Variants in ABCG5 observed in about 807,000 individuals in gnomAD.
ABCG5 encodes ATP-binding cassette sub-family G member 5.
In ABCG5, 64 loss-of-function variants were observed where a neutral mutation model predicts 64.5. The observed-to-expected ratio is 0.99, with a 90% CI of 0.81 to 1.22. The LOEUF is 1.22. Ranked by LOEUF, ABCG5 falls within the 50% of genes most tolerant of loss-of-function variation. The pLI is 0.00. For synonymous variants in ABCG5, 385 were observed against 326.3 expected (o/e 1.18, Z -1.94); for missense variants, 908 against 829.5 (o/e 1.09, Z -1.16).
chr2:43,813,312 G>A lies in ABCG5; in HGVS notation c.1763-3C>T, dbSNP rs1666580836. The A allele has an allele frequency of 1.2e-6, 2 of 1,604,974 alleles. No individual in the cohort carries two copies. The highest frequency in any genetic ancestry group is 2.7e-5 in the African/African-American group (2 of 74,690). ...TGTCACAGAAACATTTGAGCTGCCT[G>A]TCAAGGAAAAGATTGACAGTGTCAG... On this transcript the variant is annotated splice_region_variant and splice_polypyrimidine_tract_variant and intron_variant, in intron 12 of 12. Transcript: ENST00000405322.
chr2:43,826,436 G>A lies in ABCG5; in HGVS notation c.720C>T (p.Arg240=), dbSNP rs750382866. The A allele has an allele frequency of 3.7e-6, 6 of 1,614,114 alleles. No homozygotes were observed. The Admixed American group carries it at 5.0e-5, about 13-fold the overall frequency. The part of the protein sequence containing the change: ...QIVVLLVELA[R]RNRIVVLTIH... Reference sequence around the variant, plus strand: ...TGGTGAGAACCACAATTCGGTTCCTGCGAGCCAGTTCCACCAGGAGGACGA... The same window carrying A: ...TGGTGAGAACCACAATTCGGTTCCTACGAGCCAGTTCCACCAGGAGGACGA... Residue 240 remains arginine (R), a synonymous_variant, in exon 6 of 13, where the codon CGC becomes CGT. Transcript: ENST00000405322.
At chr2:43,819,873 CAG>C in intron 11 of ABCG5, 40 bp downstream of exon 11, 2 of 1,597,932 alleles carry the variant, frequency 1.3e-6, no homozygotes, top group South Asian at 2.2e-5. Context: ...TCATTAATAA[CAG>C]ATTATCCCAA....
intron 2 of ABCG5, among the ~76,000 whole-genome samples, chr2:43,834,881 A>G (rs553734164): frequency 1.3e-5 from 2 of 152,380 alleles, no homozygotes; most frequent in Non-Finnish European, 2.9e-5. Context: ...CGTATATGTC[A>G]TCATCTTTTG....
chr2:43,812,748 C>A lies in ABCG5; in HGVS notation c.*368G>T. The A allele has an allele frequency of 9.7e-6, 2 of 205,566 alleles. 1 individual carries two copies. Among genetic ancestry groups the A allele is most frequent in the South Asian group, 1.8e-4 (2 of 11,234 alleles). 12.7% of individuals were successfully genotyped at this position (205,566 alleles called of 1,614,324 possible). Reference sequence around the variant, plus strand: ...GAATCCTTGAAACATTTTATTTTTGCCTAATCCTTTATCCAATGTAAACAT... The same window carrying A: ...GAATCCTTGAAACATTTTATTTTTGACTAATCCTTTATCCAATGTAAACAT... On this transcript the variant is annotated 3_prime_UTR_variant, in exon 13 of 13. Transcript: ENST00000405322.
chr2:43,809,858 A>C (rs1470231277), downstream of ABCG5: 2 of 1,488,176 alleles, frequency 1.3e-6, no homozygotes, highest in Non-Finnish European at 1.8e-6. Flanking sequence ...TATGTGAAGA[A>C]AGTTAAACTG....
chr2:43,813,397 C>G, intron 12 of ABCG5, 88 bp from the exon 13 acceptor site: 2 of 933,236 alleles, frequency 2.1e-6, no homozygotes, highest in Non-Finnish European at 3.4e-6. Context: ...GCTAAGTACC[C>G]TTAATGAAAA....
At chr2:43,834,987 A>C (rs1668172866) in intron 2 of ABCG5, among the ~76,000 whole-genome samples, 1 of 152,244 alleles carries the variant, frequency 6.6e-6, no homozygotes, top group South Asian at 2.1e-4. Flanking sequence ...TCATAAAATT[A>C]TTTTACTCCT....
chr2:43,821,366 T>A (rs1667188672), intron 10 of ABCG5, among the ~76,000 whole-genome samples: 1 of 152,210 alleles, frequency 6.6e-6, no homozygotes, highest in Non-Finnish European at 1.5e-5. Flanking sequence ...TGGTTCCTAA[T>A]TAGCGAATCT....
In ABCG5 at chr2:43,838,640, C is replaced by T. The variant is rs1668437409; in HGVS notation, c.40G>A (p.Gly14Ser). 2.5e-6 allele frequency: 4 copies of T among 1,613,444 alleles called. No individual in the cohort carries two copies. Among genetic ancestry groups the T allele is most frequent in the Middle Eastern group, 1.6e-4 (1 of 6,080 alleles). ...LSSLTPGGSMGLQVNRGSQSS... is the reference protein window; with the variant it reads ...LSSLTPGGSMSLQVNRGSQSS... ...TGGGAGCCTCTGTTTACTTGGAGACCCATGGACCCTCCGGGGGTCAAAGAT... is the reference window on the plus strand; with the variant it reads ...TGGGAGCCTCTGTTTACTTGGAGACTCATGGACCCTCCGGGGGTCAAAGAT... Residue 14 changes from glycine (G) to serine (S), a missense_variant, in exon 1 of 13, where the codon GGT (glycine) becomes AGT (serine). Gly to Ser is a moderately conservative substitution (Grantham distance 56). Transcript: ENST00000405322. The surrounding 1 kb of genome is among the most constrained non-coding windows in gnomAD (Gnocchi z 4.2).
chr2:43,837,799 CA>C (rs746205059), intron 2 of ABCG5, 34 bp downstream of exon 2: 10 of 1,612,930 alleles, frequency 6.2e-6, no homozygotes, highest in Non-Finnish European at 5.1e-6. Flanking sequence ...TAACTCAAGC[CA>C]AATCCTTTTT....
chr2:43,836,368 C>A (rs1260227196), intron 2 of ABCG5, among the ~76,000 whole-genome samples: 1 of 152,166 alleles, frequency 6.6e-6, no homozygotes, highest in Non-Finnish European at 1.5e-5. Flanking sequence ...TCATAGACTT[C>A]AATGGAGTCC....
chr2:43,839,079 G>T, upstream of ABCG5: 1 of 1,551,220 alleles, frequency 6.4e-7, no homozygotes, highest in Non-Finnish European at 8.7e-7. Flanking sequence ...GCAGAGGAGA[G>T]AGGGCTGCCG....
At chr2:43,808,366 T>A (rs1666347662), downstream of ABCG5, among the ~76,000 whole-genome samples, 1 of 152,168 alleles carries the variant, frequency 6.6e-6, no homozygotes, top group African/African-American at 2.4e-5. Context: ...GTATGAAAGG[T>A]ACGCTCTGCA....
chr2:43,808,929 T>C (rs1465203796), downstream of ABCG5, among the ~76,000 whole-genome samples: 1 of 151,362 alleles, frequency 6.6e-6, no homozygotes, highest in African/African-American at 2.4e-5. Context: ...TTATGGATGA[T>C]AAATTTCTAA....
chr2:43,811,558 G>C (rs10180615), downstream of ABCG5, among the ~76,000 whole-genome samples: 35,375 of 151,896 alleles, frequency 0.23, 4,595 homozygotes, highest in African/African-American at 0.34. Context: ...GGAATTACTT[G>C]AAGATCAATC....
intron 11 of ABCG5, 144 bp from the exon 12 acceptor site, chr2:43,814,733 A>G: frequency 1.7e-6 from 1 of 590,588 alleles, no homozygotes; most frequent in Non-Finnish European, 3.0e-6. Flanking sequence ...CTATAAAAAA[A>G]CCTTCAAACA....
At chr2:43,835,750 A>G (rs1668222582) in intron 2 of ABCG5, among the ~76,000 whole-genome samples, 1 of 152,134 alleles carries the variant, frequency 6.6e-6, no homozygotes, top group African/African-American at 2.4e-5. Flanking sequence ...CTGCCATGCA[A>G]GGTTAGGGTG....
At chr2:43,814,385 AAC>A (rs1310692887) in intron 12 of ABCG5, 90 bp downstream of exon 12, 2 of 823,606 alleles carry the variant, frequency 2.4e-6, no homozygotes, top group Non-Finnish European at 4.1e-6. Flanking sequence ...ATTATTATAA[AAC>A]ACAGTTTTTA....
At chr2:43,809,719 C>G, downstream of ABCG5, 2 of 1,611,780 alleles carry the variant, frequency 1.2e-6, no homozygotes, top group Non-Finnish European at 1.7e-6. Context: ...TGGAACAGTA[C>G]AAAAGAAGTT....
Sources: gnomAD v4.1 joint callset for allele counts (sites outside exome capture counted in the v4.1 genomes callset) on GRCh38, gnomAD v4.1.1 for gene constraint, Gnocchi (gnomAD v3.1) non-coding constraint, MANE v1.5 for transcripts, NCBI Gene and HGNC (gene_info 2026-07-23, HGNC 2026-07-21) for gene names.